The following GLDC variants were observed in gnomAD, a reference collection of about 807,000 sequenced individuals.
The protein encoded by GLDC is glycine decarboxylase, also known as glycine dehydrogenase (decarboxylating), mitochondrial.
GLDC carries 104 observed loss-of-function variants against 121.3 expected under a neutral mutation model. The ratio of observed to expected loss-of-function variants is 0.86; its 90% CI spans 0.73 to 1.01. The LOEUF (loss-of-function observed/expected upper bound fraction) is 1.01. Among genes scored for constraint, GLDC ranks in the 50% least tolerant of loss-of-function variants. The probability of loss-of-function intolerance (pLI) is 0.00; values close to 1 mark genes in which losing one functional copy is unlikely to be tolerated. For missense variants in GLDC, 1,429 were observed against 1,306.6 expected (o/e 1.09, Z -1.44); for synonymous variants, 546 against 480.6 (o/e 1.14, Z -1.78).
intron 2 of GLDC, among the ~76,000 whole-genome samples, chr9:6,624,833 C>G (rs188885513): frequency 5.3e-5 from 8 of 152,122 alleles, no homozygotes; most frequent in African/African-American, 1.9e-4. Context: ...ACTAAAAACA[C>G]AAAAATTAGC....
intron 21 of GLDC, among the ~76,000 whole-genome samples, chr9:6,550,566 G>A (rs1009702227): frequency 1.3e-5 from 2 of 152,150 alleles, no homozygotes; most frequent in African/African-American, 4.8e-5. Context: ...GGCAGAAATT[G>A]CAGTGAGACA....
At position 6,562,294 on chromosome 9, in the gene GLDC, G is replaced by A. The variant is rs796786628; in HGVS notation, c.1926+3060C>T. On this transcript the variant is annotated intron_variant, in intron 16 of 24. Coordinates refer to ENST00000321612, the MANE Select transcript of GLDC (RefSeq NM_000170.3). ...GGAACCTCTGAAATTTAACCTAAGA[G>A]AAAATGTGAAAATAACTTCAAAAAG... Among the ~76,000 whole-genome samples, 3 of 152,086 alleles carry A rather than the reference G, an allele frequency of 2.0e-5. No homozygotes were observed. In the South Asian group the frequency reaches 6.2e-4, roughly 32 times the overall value.
chr9:6,596,717 C>T (rs1818499854), intron 8 of GLDC, among the ~76,000 whole-genome samples: 1 of 152,178 alleles, frequency 6.6e-6, no homozygotes, highest in African/African-American at 2.4e-5. Flanking sequence ...AATAGGATGG[C>T]TATAACCAAA....
intron 22 of GLDC, 124 bp from the exon 23 acceptor site, chr9:6,536,360 A>T (rs566293238): frequency 3.0e-4 from 261 of 867,616 alleles, no homozygotes; most frequent in South Asian, 1.3e-3. Flanking sequence ...TTGCAAATGT[A>T]TGTATGTGGG....
chr9:6,576,775 G>C (rs1818073976), intron 15 of GLDC, among the ~76,000 whole-genome samples: 1 of 152,106 alleles, frequency 6.6e-6, no homozygotes, highest in Non-Finnish European at 1.5e-5. Flanking sequence ...CCTGGAGTTA[G>C]GATTTCAACA....
chr9:6,644,710 G>C lies in GLDC; in HGVS notation c.256-18C>G, dbSNP rs1819703762. 2 of 1,583,326 alleles carry C rather than the reference G, an allele frequency of 1.3e-6. No individual in the cohort carries two copies. The highest frequency in any genetic ancestry group is 1.7e-6 in the Non-Finnish European group (2 of 1,152,486). On this transcript the variant is annotated intron_variant, in intron 1 of 24. Coordinates refer to ENST00000321612, the MANE Select transcript of GLDC (RefSeq NM_000170.3). ...TCAATGCTCTAAAATTAAAACGCAAGGCAGAGGAAAGTGCCTCTGAGTTAA... is the reference window on the plus strand; with the variant it reads ...TCAATGCTCTAAAATTAAAACGCAACGCAGAGGAAAGTGCCTCTGAGTTAA...
chr9:6,535,995 T>G, intron 23 of GLDC, 69 bp downstream of exon 23: 1 of 1,301,764 alleles, frequency 7.7e-7, no homozygotes, highest in Admixed American at 1.7e-5. Flanking sequence ...CGGGAGTTGC[T>G]GGTACACTGT....
chr9:6,645,194 G>C lies in GLDC; in HGVS notation c.255+51C>G, dbSNP rs547367975. ...GGAGCCGGGAGGCCGCGCAGGCAGA[G>C]CCCGGGCAGGGCGGAGGGGAGGCCG... On this transcript the variant is annotated intron_variant, in intron 1 of 24. Coordinates refer to ENST00000321612, the MANE Select transcript of GLDC (RefSeq NM_000170.3). 57 of 1,515,818 alleles carry C rather than the reference G, an allele frequency of 3.8e-5. No individual in the cohort carries two copies. In the South Asian group the frequency reaches 6.6e-4, roughly 18 times the overall value. 93.9% of individuals were successfully genotyped at this position (1,515,818 alleles called of 1,614,324 possible).
intron 3 of GLDC, among the ~76,000 whole-genome samples, chr9:6,615,453 G>T (rs1818949911): frequency 6.6e-6 from 1 of 151,588 alleles, no homozygotes; most frequent in Non-Finnish European, 1.5e-5. Flanking sequence ...CCTGGCGAGG[G>T]GCCTGTAAGT....
At chr9:6,591,671 G>T (rs536581764) in intron 11 of GLDC, among the ~76,000 whole-genome samples, 37 of 152,042 alleles carry the variant, frequency 2.4e-4, no homozygotes, top group African/African-American at 8.0e-4. Context: ...TGCAACCGCC[G>T]CCTCCTGGGT....
At chr9:6,623,647 C>T (rs1819169711) in intron 2 of GLDC, among the ~76,000 whole-genome samples, 2 of 152,126 alleles carry the variant, frequency 1.3e-5, no homozygotes, top group Non-Finnish European at 2.9e-5. Context: ...AGATATGGTA[C>T]TTTGCCACAG....
chr9:6,629,856 A>G (rs1470970088), intron 2 of GLDC, among the ~76,000 whole-genome samples: 1 of 149,306 alleles, frequency 6.7e-6, no homozygotes, highest in Non-Finnish European at 1.5e-5. Context: ...TTAGCAGAAC[A>G]TCTTTGTGAT....
At chr9:6,619,975 C>G (rs942282312) in intron 3 of GLDC, among the ~76,000 whole-genome samples, 1 of 152,160 alleles carries the variant, frequency 6.6e-6, no homozygotes, top group South Asian at 2.1e-4. Context: ...TTTTATGGGA[C>G]TGGAAGTGGG....
rs537876094 is a variant in GLDC at position 6,564,680 on chromosome 9, C to G, written c.1926+674G>C. 2.0e-5 allele frequency among the ~76,000 whole-genome samples: 3 copies of G among 152,378 alleles called. No homozygotes were observed. The East Asian group carries it at 5.8e-4, about 29-fold the overall frequency. ...AAGGAACCAGGAACACAGGCCTCCT[C>G]TGGCACAAGCTGAGGCCTGAGTTAG... On this transcript the variant is annotated intron_variant, in intron 16 of 24. Coordinates refer to ENST00000321612, the MANE Select transcript of GLDC (RefSeq NM_000170.3).
chr9:6,556,275 C>T lies in GLDC; in HGVS notation c.2080G>A (p.Ala694Thr). ...MVDKHKENLA[A>T]IMITYPSTNG... The stretch of plus-strand genomic sequence containing the variant: ...GTGGATGGGTATGTAATCATGATAG[C>T]TGCTAGGTTCTCCTTGTGCTTATCC... Residue 694 changes from alanine to threonine, a missense_variant, in exon 18 of 25, where the codon GCT becomes ACT. By Grantham distance (58) the Ala-to-Thr change is moderately conservative. Transcript: ENST00000321612. 1.2e-6 allele frequency: 2 copies of T among 1,613,568 alleles called. No individual in the cohort carries two copies. The highest frequency in any genetic ancestry group is 1.7e-6 in the Non-Finnish European group (2 of 1,179,500).
chr9:6,575,654 T>C (rs965484658), intron 15 of GLDC, among the ~76,000 whole-genome samples: 6 of 152,258 alleles, frequency 3.9e-5, no homozygotes. Context: ...AATCACAGTT[T>C]GCAGTTTTTA....
At chr9:6,549,858 C>T (rs773019878) in intron 21 of GLDC, among the ~76,000 whole-genome samples, 18 of 152,214 alleles carry the variant, frequency 1.2e-4, no homozygotes, top group Middle Eastern at 3.4e-3. Flanking sequence ...ATGATTGTAA[C>T]GGTCTCTTCA....
At chr9:6,535,978 G>T (rs1817118274) in intron 23 of GLDC, 86 bp downstream of exon 23, 4 of 1,108,450 alleles carry the variant, frequency 3.6e-6, no homozygotes, top group Admixed American at 3.4e-5. Flanking sequence ...ATCCTCAGTT[G>T]AGAGTTCGGG....
intron 5 of GLDC, chr9:6,606,240 C>T (rs562681769): frequency 7.0e-5 from 20 of 286,672 alleles, no homozygotes; most frequent in African/African-American, 2.9e-4. Context: ...ACTTGGGAGG[C>T]GGAGCTTGCA....
Sources: gnomAD v4.1 joint callset for allele counts (sites outside exome capture counted in the v4.1 genomes callset) on GRCh38, gnomAD v4.1.1 for gene constraint, MANE v1.5 for transcripts, NCBI Gene and HGNC (gene_info 2026-07-23, HGNC 2026-07-21) for gene names.